The following CORO1C variants were observed in gnomAD, a reference collection of about 807,000 sequenced individuals.
The protein encoded by CORO1C is coronin-1C.
A neutral mutation model predicts 51.2 loss-of-function variants in CORO1C; 14 were observed. The ratio of observed to expected loss-of-function variants is 0.27; its 90% CI spans 0.18 to 0.43. The LOEUF is 0.43. Ranked by LOEUF, CORO1C falls within the 20% of genes least tolerant of loss-of-function variation. The pLI is 1.00. For missense variants in CORO1C, 417 were observed against 607.8 expected, an observed-to-expected ratio of 0.69 and a Z score of 3.30; for synonymous variants, 181 against 210.5, an observed-to-expected ratio of 0.86 and a Z score of 1.21.
At chr12:108,689,635 G>C (rs1269364702) in intron 2 of CORO1C, among the ~76,000 whole-genome samples, 3 of 152,168 alleles carry the variant, frequency 2.0e-5, no homozygotes, top group African/African-American at 7.2e-5. Flanking sequence ...GAAGATGTAA[G>C]GGCCTAAGAG....
In CORO1C at chr12:108,645,957, A is replaced by G. The variant is rs2032339252; in HGVS notation, c.*1446T>C. 6.6e-6 allele frequency: 1 copy of G among 152,216 alleles called. No homozygotes were observed. Among genetic ancestry groups the G allele is most frequent in the Admixed American group, 6.5e-5 (1 of 15,276 alleles). 9.4% of individuals were successfully genotyped at this position (152,216 alleles called of 1,614,324 possible). On this transcript the variant is annotated 3_prime_UTR_variant, in exon 11 of 11. Coordinates refer to ENST00000261401, the MANE Select transcript of CORO1C (RefSeq NM_014325.4). ...AACCGAGGAATGAACAGGTGACCAG[A>G]GCTCAGTCTCTGGCCCCCTCCGAGT...
intron 1 of CORO1C, among the ~76,000 whole-genome samples, chr12:108,717,740 C>T (rs1156920776): frequency 6.6e-6 from 1 of 152,156 alleles, no homozygotes; most frequent in Non-Finnish European, 1.5e-5. Flanking sequence ...CTTCAAAGAG[C>T]CTTCTGTTGA....
At chr12:108,729,053 T>C (rs146651186) in intron 1 of CORO1C, among the ~76,000 whole-genome samples, 174 of 152,300 alleles carry the variant, frequency 1.1e-3, no homozygotes, top group African/African-American at 4.0e-3. Context: ...AATCAAAATA[T>C]GAGAAATTAA....
chr12:108,648,426 C>A (rs2032476329), intron 10 of CORO1C, among the ~76,000 whole-genome samples, 179 bp downstream of exon 10: 1 of 152,126 alleles, frequency 6.6e-6, no homozygotes, highest in African/African-American at 2.4e-5. Flanking sequence ...TTAAAGGAGG[C>A]AAGTGTTGCC....
At chr12:108,693,217 T>C (rs17040872) in intron 2 of CORO1C, among the ~76,000 whole-genome samples, 11,011 of 152,262 alleles carry the variant, frequency 0.072, 615 homozygotes, top group East Asian at 0.32. Flanking sequence ...AAGTTCTAAT[T>C]CACAAACAAC....
intron 2 of CORO1C, among the ~76,000 whole-genome samples, chr12:108,691,288 C>G (rs1468894299): frequency 6.6e-6 from 1 of 152,162 alleles, no homozygotes; most frequent in African/African-American, 2.4e-5. Context: ...CAGGTCCCAC[C>G]CCTAATGGGC....
chr12:108,676,605 C>T (rs551392123), intron 3 of CORO1C, among the ~76,000 whole-genome samples: 2 of 151,988 alleles, frequency 1.3e-5, no homozygotes, highest in East Asian at 3.9e-4. Flanking sequence ...AACTCCGTTT[C>T]TACTAAAAAC....
chr12:108,664,207 TG>T (rs1293447413), intron 3 of CORO1C, among the ~76,000 whole-genome samples: 6 of 152,192 alleles, frequency 3.9e-5, no homozygotes, highest in Non-Finnish European at 5.9e-5. Context: ...AACTAGCTCA[TG>T]AAAAATTTAA....
At chr12:108,691,186 C>T (rs561741835) in intron 2 of CORO1C, among the ~76,000 whole-genome samples, 1 of 151,170 alleles carries the variant, frequency 6.6e-6, no homozygotes, top group Non-Finnish European at 1.5e-5. Context: ...ATTCAGTCAG[C>T]CAGAAATGAA....
At chr12:108,649,236 C>T in intron 8 of CORO1C, 1 of 600,618 alleles carries the variant, frequency 1.7e-6, no homozygotes, top group Non-Finnish European at 2.9e-6. Flanking sequence ...AACTGGCAGA[C>T]TGGAGACAAG....
chr12:108,655,624 C>T (rs1397600232), intron 6 of CORO1C, among the ~76,000 whole-genome samples: 2 of 152,234 alleles, frequency 1.3e-5, no homozygotes, highest in Non-Finnish European at 2.9e-5. Context: ...ACGAGTAATC[C>T]GCCAGCCTCG....
chr12:108,680,121 G>A (rs1355565286), intron 2 of CORO1C, among the ~76,000 whole-genome samples: 1 of 152,190 alleles, frequency 6.6e-6, no homozygotes, highest in Admixed American at 6.5e-5. Context: ...AGATACAGAC[G>A]TGAACAAGGC....
intron 2 of CORO1C, among the ~76,000 whole-genome samples, chr12:108,691,603 A>T (rs886883228): frequency 1.3e-5 from 2 of 152,134 alleles, no homozygotes; most frequent in African/African-American, 4.8e-5. Context: ...TCTCTTCACC[A>T]CACACTCCCA....
chr12:108,725,939 C>T (rs1396679984), intron 1 of CORO1C, among the ~76,000 whole-genome samples: 2 of 152,172 alleles, frequency 1.3e-5, no homozygotes, highest in African/African-American at 4.8e-5. Context: ...AGGTTTCAAG[C>T]AATTCCCCTG....
chr12:108,727,513 A>C (rs2035620777), intron 1 of CORO1C, among the ~76,000 whole-genome samples: 1 of 152,216 alleles, frequency 6.6e-6, no homozygotes, highest in African/African-American at 2.4e-5. Flanking sequence ...CTCATTAAGG[A>C]GTCTGAACTT....
At chr12:108,709,243 G>A (rs188424149) in intron 1 of CORO1C, among the ~76,000 whole-genome samples, 92 of 152,186 alleles carry the variant, frequency 6.0e-4, no homozygotes, top group Non-Finnish European at 1.1e-3. Flanking sequence ...AGAATCTGAA[G>A]CATAGTACAT....
At chr12:108,671,744 G>A (rs1456444228) in intron 3 of CORO1C, among the ~76,000 whole-genome samples, 1 of 152,122 alleles carries the variant, frequency 6.6e-6, no homozygotes, top group East Asian at 1.9e-4. Context: ...AGGAAAAACT[G>A]TGAGTCAATA....
In CORO1C at chr12:108,709,582, T is replaced by TC. The variant is rs201996929; in HGVS notation, c.-5-8260_-5-8259insG. On this transcript the variant is annotated intron_variant, in intron 1 of 10. Coordinates refer to ENST00000261401, the MANE Select transcript of CORO1C (RefSeq NM_014325.4). ...TTTAAAAACTGTTCAGTTTTAACCT[T>TC]TAAATTAAGATGGCATATCACCAAA... is the stretch of plus-strand genomic sequence containing the variant. 9.3e-3 allele frequency among the ~76,000 whole-genome samples: 1,415 copies of TC among 152,330 alleles called. 26 individuals are homozygous for TC. The highest frequency in any genetic ancestry group is 0.032 in the African/African-American group (1,346 of 41,574).
chr12:108,689,687 A>G (rs995214723), intron 2 of CORO1C, among the ~76,000 whole-genome samples: 1 of 152,256 alleles, frequency 6.6e-6, no homozygotes, highest in Non-Finnish European at 1.5e-5. Context: ...GATACTTTAC[A>G]TGACCTGACT....
Sources: gnomAD v4.1 joint callset for allele counts (sites outside exome capture counted in the v4.1 genomes callset) on GRCh38, gnomAD v4.1.1 for gene constraint, MANE v1.5 for transcripts, NCBI Gene and HGNC (gene_info 2026-07-23, HGNC 2026-07-21) for gene names.